The following UBR2 variants were observed in gnomAD, a reference collection of about 807,000 sequenced individuals.
UBR2 encodes the protein ubiquitin protein ligase E3 component n-recognin 2, also known as E3 ubiquitin-protein ligase UBR2.
In UBR2, 92 loss-of-function variants were observed where a neutral mutation model predicts 247.9. The ratio of observed to expected loss-of-function variants is 0.37; its 90% CI spans 0.31 to 0.44. The LOEUF (loss-of-function observed/expected upper bound fraction) is 0.44. Among genes scored for constraint, UBR2 ranks in the 20% least tolerant of loss-of-function variants. The pLI, the probability that UBR2 is intolerant of heterozygous loss-of-function variation, is 1.00. For synonymous variants in UBR2, 672 were observed against 693.5 expected (o/e 0.97, Z 0.49); for missense variants, 1,613 against 2,112.6 (o/e 0.76, Z 4.64).
chr6:42,653,023 C>G (rs1483882025), intron 25 of UBR2, among the ~76,000 whole-genome samples: 1 of 152,176 alleles, frequency 6.6e-6, no homozygotes, highest in Admixed American at 6.5e-5. Context: ...AACTGACACT[C>G]ATAGACTTAC....
intron 6 of UBR2, 146 bp from the exon 7 acceptor site, chr6:42,606,439 TTAAC>T (rs1793703844): frequency 3.3e-6 from 2 of 607,312 alleles, no homozygotes; most frequent in Non-Finnish European, 5.5e-6. Context: ...AAGGAAAATT[TTAAC>T]TAACTTATCA....
In UBR2 at chr6:42,573,982, A is replaced by G. The variant is rs1440574045; in HGVS notation, c.327A>G (p.Thr109=). Reference sequence around the variant, plus strand: ...GTGTTTTTAAAGTAGGAGAGCCTACATATTCTTGCAGGTAAAATATTTTAA... The same window carrying G: ...GTGTTTTTAAAGTAGGAGAGCCTACGTATTCTTGCAGGTAAAATATTTTAA... ...CGRVFKVGEP[T]YSCRDCAVDP... The change falls in exon 2 of 47, where the codon ACA becomes ACG. Residue 109 remains threonine (T), a synonymous_variant. Coordinates refer to ENST00000372901, the MANE Select transcript of UBR2 (RefSeq NM_001363705.2). 6.9e-6 allele frequency: 11 copies of G among 1,588,232 alleles called. 1 individual carries two copies. In the East Asian group the frequency reaches 1.4e-4, roughly 20 times the overall value.
At chr6:42,631,175 G>C (rs980200782) in intron 11 of UBR2, among the ~76,000 whole-genome samples, 5 of 152,138 alleles carry the variant, frequency 3.3e-5, no homozygotes, top group African/African-American at 9.7e-5. Flanking sequence ...GCCTGTTTAA[G>C]TTGTCACCCA....
intron 36 of UBR2, 40 bp downstream of exon 36, chr6:42,670,755 G>A (rs770994319): frequency 1.4e-5 from 22 of 1,528,236 alleles, no homozygotes; most frequent in Non-Finnish European, 2.0e-5. Context: ...AGTGGGGCAT[G>A]GAAATTAGGT....
In UBR2 at chr6:42,659,806, G is replaced by A. The variant is rs767117445; in HGVS notation, c.3393G>A (p.Gln1131=). ...SRAMVLAAFV[Q]RSTVLSKNRS... ...CAATGGTCTTGGCAGCATTTGTTCA[G>A]AGATCAACTGTATTATCAAAAAACA... Residue 1131 remains glutamine (Q), a synonymous_variant, in exon 30 of 47, where the codon CAG becomes CAA. Coordinates refer to ENST00000372901, the MANE Select transcript of UBR2 (RefSeq NM_001363705.2). The surrounding 1 kb of genome is among the most constrained non-coding windows in gnomAD (Gnocchi z 4.3). 5.0e-6 allele frequency: 8 copies of A among 1,614,038 alleles called. No individual in the cohort carries two copies. Among genetic ancestry groups the A allele is most frequent in the Non-Finnish European group, 5.9e-6 (7 of 1,180,030 alleles).
intron 11 of UBR2, among the ~76,000 whole-genome samples, chr6:42,628,425 T>C (rs539244281): frequency 6.6e-6 from 1 of 152,104 alleles, no homozygotes; most frequent in South Asian, 2.1e-4. Context: ...TTTAGTTTGG[T>C]CAAGACCCAG....
chr6:42,629,209 G>T (rs944127658), intron 11 of UBR2, among the ~76,000 whole-genome samples: 3 of 151,942 alleles, frequency 2.0e-5, no homozygotes, highest in Admixed American at 6.6e-5. Context: ...TAGAGAGGGG[G>T]TTTCGCCATG....
chr6:42,611,832 A>G (rs531819378), intron 7 of UBR2, among the ~76,000 whole-genome samples: 26 of 151,654 alleles, frequency 1.7e-4, no homozygotes, highest in African/African-American at 6.3e-4. Flanking sequence ...ACTTGGACCC[A>G]AGAGGTGGAG....
chr6:42,650,515 T>A, intron 23 of UBR2, 129 bp downstream of exon 23: 1 of 675,718 alleles, frequency 1.5e-6, no homozygotes, highest in Non-Finnish European at 2.4e-6. Flanking sequence ...CATTGCAACC[T>A]CAAACTCCTG....
chr6:42,664,101 ATCATGCCATT>A (rs1161744857), intron 32 of UBR2: 1 of 151,714 alleles, frequency 6.6e-6, no homozygotes, highest in Non-Finnish European at 1.5e-5. Context: ...GTGAGCTTTG[ATCATGCCATT>A]GCACTTCAGC....
At chr6:42,574,029 G>C in intron 2 of UBR2, 36 bp downstream of exon 2, 1 of 1,491,634 alleles carries the variant, frequency 6.7e-7, no homozygotes, top group East Asian at 2.4e-5. Flanking sequence ...GGAGGCTCTT[G>C]TTTTATTTGA....
chr6:42,589,408 G>A (rs1218243957), intron 2 of UBR2, among the ~76,000 whole-genome samples: 3 of 152,156 alleles, frequency 2.0e-5, no homozygotes, highest in Non-Finnish European at 4.4e-5. Flanking sequence ...TTTATACGTT[G>A]TTGGATTCAA....
At chr6:42,617,705 A>T (rs1794651639) in intron 11 of UBR2, among the ~76,000 whole-genome samples, 198 bp downstream of exon 11, 1 of 152,242 alleles carries the variant, frequency 6.6e-6, no homozygotes, top group Non-Finnish European at 1.5e-5. Context: ...GAAGTCATTT[A>T]AACTTAATTT....
In UBR2 at chr6:42,641,592, G is replaced by A. The variant is rs759999753; in HGVS notation, c.1931G>A (p.Ser644Asn). 3 of 1,591,734 alleles carry A rather than the reference G, an allele frequency of 1.9e-6. No homozygotes were observed. The highest frequency in any genetic ancestry group is 2.6e-6 in the Non-Finnish European group (3 of 1,173,202). Residue 644 changes from serine to asparagine, a missense_variant, in exon 17 of 47, where the codon AGC (serine) becomes AAC (asparagine). Ser to Asn is a conservative substitution (Grantham distance 46). Transcript: ENST00000372901. ...FPELLPLSELSPPMLIEHPLR... is the reference protein window; with the variant it reads ...FPELLPLSELNPPMLIEHPLR... Reference sequence around the variant, plus strand: ...TTTTTGTATATATAGAGTGAACTTAGCCCACCCATGTTGATAGAACACCCT... The same window carrying A: ...TTTTTGTATATATAGAGTGAACTTAACCCACCCATGTTGATAGAACACCCT...
intron 18 of UBR2, 100 bp downstream of exon 18, chr6:42,642,581 A>G: frequency 2.1e-6 from 2 of 945,462 alleles, no homozygotes; most frequent in Non-Finnish European, 3.3e-6. Flanking sequence ...CAAATCTACA[A>G]CTCCAGCCTA....
rs1308417248 is a variant in UBR2 at position 42,692,606 on chromosome 6, A to C, written c.*1433A>C. 3 of 152,188 alleles carry C rather than the reference A, an allele frequency of 2.0e-5. No homozygotes were observed. The highest frequency in any genetic ancestry group is 4.4e-5 in the Non-Finnish European group (3 of 68,036). 9.4% of individuals were successfully genotyped at this position (152,188 alleles called of 1,614,324 possible). On this transcript the variant is annotated 3_prime_UTR_variant, in exon 47 of 47. Transcript: ENST00000372901. ...TAATAAGAGGCTCTTGGATTTTTTT[A>C]ACCAATGCAACTGACCCTTTCAATC...
intron 5 of UBR2, among the ~76,000 whole-genome samples, chr6:42,604,581 C>G (rs1424692055): frequency 2.0e-5 from 3 of 152,118 alleles, no homozygotes; most frequent in Admixed American, 6.5e-5. Context: ...AAATTAATTT[C>G]ATTTTGGGAC....
Position 42,689,775 on chromosome 6 carries a change from G to A in UBR2, c.5126+105G>A. 1.0e-6 allele frequency: 1 copy of A among 1,004,934 alleles called. No homozygotes were observed. Among genetic ancestry groups the A allele is most frequent in the Admixed American group, 1.8e-5 (1 of 54,642 alleles). The allele number at this position is 1,004,934 out of a possible 1,614,324, so 62.3% of individuals were successfully genotyped here. A position where few individuals can be genotyped will look rare whatever the true frequency, so the allele number is the denominator to read the frequency against. On this transcript the variant is annotated intron_variant, in intron 46 of 46. Coordinates refer to ENST00000372901, the MANE Select transcript of UBR2 (RefSeq NM_001363705.2). This position sits in a 1 kb window ranked among gnomAD's most constrained non-coding sequence, Gnocchi z 4.0. ...TGAGGTGGTTCTGGAAGAGGTGGCT[G>A]TGTTATCTGTGGAGTCTTCCAAGGA...
chr6:42,623,213 G>A (rs952487993), intron 11 of UBR2, among the ~76,000 whole-genome samples: 19 of 152,124 alleles, frequency 1.2e-4, no homozygotes, highest in African/African-American at 4.6e-4. Flanking sequence ...GTTTTGCTTT[G>A]GAGTTTTGTT....
Sources: gnomAD v4.1 joint callset for allele counts (sites outside exome capture counted in the v4.1 genomes callset) on GRCh38, gnomAD v4.1.1 for gene constraint, Gnocchi (gnomAD v3.1) non-coding constraint, MANE v1.5 for transcripts, NCBI Gene and HGNC (gene_info 2026-07-23, HGNC 2026-07-21) for gene names.